Variants in WASF1 observed in about 807,000 individuals in gnomAD.
The protein encoded by WASF1 is actin-binding protein WASF1.
Under a neutral mutation model 50.5 loss-of-function variants are expected in WASF1, and 7 were observed. The observed-to-expected ratio is 0.14, with a 90% CI of 0.08 to 0.26. The LOEUF (loss-of-function observed/expected upper bound fraction) is 0.26, where lower values mean the gene tolerates loss of function less well. Among genes scored for constraint, WASF1 ranks in the 10% least tolerant of loss-of-function variants. WASF1 has a pLI of 1.00. For missense variants in WASF1, 470 were observed against 694.7 expected, an observed-to-expected ratio of 0.68 and a Z score of 3.64; for synonymous variants, 205 against 244.0, an observed-to-expected ratio of 0.84 and a Z score of 1.49.
chr6:110,103,063 A>G (rs906954084), intron 9 of WASF1, among the ~76,000 whole-genome samples: 1 of 152,200 alleles, frequency 6.6e-6, no homozygotes, highest in Non-Finnish European at 1.5e-5. Context: ...AAAATGAAAC[A>G]GGCTTTAATC....
intron 3 of WASF1, among the ~76,000 whole-genome samples, chr6:110,137,965 G>A (rs995515985): frequency 1.3e-5 from 2 of 152,238 alleles, no homozygotes; most frequent in East Asian, 1.9e-4. Flanking sequence ...GTGGCCAGTG[G>A]CACCTGTGCC....
intron 3 of WASF1, among the ~76,000 whole-genome samples, chr6:110,150,972 G>A (rs1775797159): frequency 6.6e-6 from 1 of 152,188 alleles, no homozygotes; most frequent in Non-Finnish European, 1.5e-5. Context: ...AGGAGGCGAA[G>A]GTTGCAGTGA....
intron 3 of WASF1, among the ~76,000 whole-genome samples, chr6:110,148,396 T>C (rs550655218): frequency 6.6e-6 from 1 of 152,184 alleles, no homozygotes; most frequent in South Asian, 2.1e-4. Flanking sequence ...GGAGTAAAAG[T>C]AGGGGACACT....
intron 4 of WASF1, among the ~76,000 whole-genome samples, chr6:110,126,594 G>T (rs1483814841): frequency 6.6e-6 from 1 of 152,176 alleles, no homozygotes; most frequent in Non-Finnish European, 1.5e-5. Context: ...CTTATCAGGA[G>T]AATTTATATG....
chr6:110,117,842 G>C (rs1224833476), intron 4 of WASF1, among the ~76,000 whole-genome samples: 3 of 152,156 alleles, frequency 2.0e-5, no homozygotes, highest in Admixed American at 6.5e-5. Flanking sequence ...AGCCAGAAGA[G>C]AGTGGGGGCC....
chr6:110,117,020 C>T (rs182012225), intron 4 of WASF1, among the ~76,000 whole-genome samples: 43 of 151,912 alleles, frequency 2.8e-4, no homozygotes, highest in African/African-American at 9.4e-4. Context: ...ACATCGAAGA[C>T]CAAAGGTAGA....
At chr6:110,178,572 G>T (rs1301797595) in intron 2 of WASF1, 26 bp downstream of exon 2, 1 of 152,590 alleles carries the variant, frequency 6.6e-6, no homozygotes, top group Non-Finnish European at 1.5e-5. Flanking sequence ...AAAAGGAAAT[G>T]ATTAGAGTAA....
At chr6:110,163,130 T>G (rs1241076823) in intron 2 of WASF1, among the ~76,000 whole-genome samples, 1 of 151,628 alleles carries the variant, frequency 6.6e-6, no homozygotes, top group African/African-American at 2.4e-5. Flanking sequence ...ATAACATATG[T>G]TGCAGCCCCA....
At chr6:110,144,021 C>A (rs966826683) in intron 3 of WASF1, among the ~76,000 whole-genome samples, 2 of 152,046 alleles carry the variant, frequency 1.3e-5, no homozygotes, top group African/African-American at 4.8e-5. Flanking sequence ...AGTTCTAGAT[C>A]CCTGAGGAAT....
At chr6:110,169,658 T>C (rs1776616076) in intron 2 of WASF1, among the ~76,000 whole-genome samples, 1 of 152,148 alleles carries the variant, frequency 6.6e-6, no homozygotes, top group Non-Finnish European at 1.5e-5. Flanking sequence ...AATCCCATTT[T>C]TTCATTACAT....
At chr6:110,142,438 T>C (rs1775288312) in intron 3 of WASF1, among the ~76,000 whole-genome samples, 1 of 152,178 alleles carries the variant, frequency 6.6e-6, no homozygotes, top group African/African-American at 2.4e-5. Flanking sequence ...CTTATTTCTC[T>C]ACCTTATTCC....
At chr6:110,166,227 G>C (rs932985198) in intron 2 of WASF1, among the ~76,000 whole-genome samples, 1 of 151,002 alleles carries the variant, frequency 6.6e-6, no homozygotes, top group Non-Finnish European at 1.5e-5. Context: ...ACTAAGAAGA[G>C]AGTTTACCAA....
intron 3 of WASF1, among the ~76,000 whole-genome samples, chr6:110,137,200 T>C (rs1359478081): frequency 6.6e-6 from 1 of 152,158 alleles, no homozygotes; most frequent in African/African-American, 2.4e-5. Context: ...TACTTGGAGG[T>C]TCCATAAAAC....
At chr6:110,171,674 A>T (rs1329680783) in intron 2 of WASF1, among the ~76,000 whole-genome samples, 4 of 152,128 alleles carry the variant, frequency 2.6e-5, no homozygotes, top group African/African-American at 9.6e-5. Flanking sequence ...AGCCAAAATA[A>T]GACAAATGGG....
chr6:110,123,145 T>C (rs1774215716), intron 4 of WASF1, among the ~76,000 whole-genome samples: 1 of 152,198 alleles, frequency 6.6e-6, no homozygotes, highest in South Asian at 2.1e-4. Context: ...CATTTATATG[T>C]AGACTGTAGC....
At chr6:110,168,612 A>AACTGTTAGAAGTATATAG (rs1435281479) in intron 2 of WASF1, among the ~76,000 whole-genome samples, 3 of 152,088 alleles carry the variant, frequency 2.0e-5, no homozygotes, top group Non-Finnish European at 4.4e-5. Context: ...AGCCTAGAGC[A>AACTGTTAGAAGTATATAG]ACTGTTAGAA....
intron 3 of WASF1, among the ~76,000 whole-genome samples, chr6:110,159,157 A>T (rs963616475): frequency 1.3e-5 from 2 of 151,988 alleles, no homozygotes; most frequent in Admixed American, 1.3e-4. Context: ...TAGTTGAATA[A>T]GAACAGAAAA....
At chr6:110,127,732 C>A in intron 3 of WASF1, 103 bp from the exon 4 acceptor site, 10 of 1,126,348 alleles carry the variant, frequency 8.9e-6, no homozygotes, top group Non-Finnish European at 1.2e-5. Flanking sequence ...CCTTGAACAA[C>A]ATGGATTTGA....
intron 3 of WASF1, among the ~76,000 whole-genome samples, chr6:110,146,152 A>T (rs1442410910): frequency 6.6e-6 from 1 of 152,204 alleles, no homozygotes; most frequent in African/African-American, 2.4e-5. Context: ...TATAATTTTC[A>T]TTTTTCACAA....
Sources: gnomAD v4.1 joint callset for allele counts (sites outside exome capture counted in the v4.1 genomes callset) on GRCh38, gnomAD v4.1.1 for gene constraint, MANE v1.5 for transcripts, NCBI Gene and HGNC (gene_info 2026-07-23, HGNC 2026-07-21) for gene names.